Variants in PLIN3 observed in about 807,000 individuals in gnomAD.
PLIN3 encodes perilipin 3.
Under a neutral mutation model 35.9 loss-of-function variants are expected in PLIN3, and 30 were observed. That is an observed-to-expected ratio of 0.84 (90% confidence interval 0.62 to 1.13). The LOEUF is 1.13. Among genes scored for constraint, PLIN3 ranks in the 50% most tolerant of loss-of-function variants. The pLI, the probability that PLIN3 is intolerant of heterozygous loss-of-function variation, is 0.00. For synonymous variants in PLIN3, 261 were observed against 262.5 expected, an observed-to-expected ratio of 0.99 and a Z score of 0.06; for missense variants, 603 against 596.9, an observed-to-expected ratio of 1.01 and a Z score of -0.11.
At chr19:4,861,715 A>C (rs1202825115) in intron 1 of PLIN3, among the ~76,000 whole-genome samples, 1 of 151,646 alleles carries the variant, frequency 6.6e-6, no homozygotes, top group African/African-American at 2.4e-5. Context: ...GGCTCACTGC[A>C]ACCTCCGCCT....
In PLIN3 at chr19:4,839,303, G is replaced by C; in HGVS notation, c.1194C>G (p.Arg398=). 1 of 1,614,022 alleles carries C rather than the reference G, an allele frequency of 6.2e-7. No homozygotes were observed. Reference sequence around the variant, plus strand: ...ATTCCACCATGTGGTCCAGGGCCTCGCGGGCGCTGGCGACACGCTCACGGC... The same window carrying C: ...ATTCCACCATGTGGTCCAGGGCCTCCCGGGCGCTGGCGACACGCTCACGGC... ...AQSRERVASA[R]EALDHMVEYV... is the part of the protein sequence containing the mutation. Residue 398 remains arginine (R), a synonymous_variant, in exon 8 of 8, where the codon CGC becomes CGG. Coordinates refer to ENST00000221957, the MANE Select transcript of PLIN3 (RefSeq NM_005817.5).
At chr19:4,850,682 G>A (rs992980796) in intron 5 of PLIN3, among the ~76,000 whole-genome samples, 1 of 2,428 alleles carries the variant, frequency 4.1e-4, no homozygotes, top group African/African-American at 2.4e-3. Context: ...GATCCGCCCG[G>A]CCTTGGCCTC....
rs2030394138 is a variant in PLIN3 at position 4,854,090 on chromosome 19, AC to A, written c.349-1790del. ...TGAGACTACAGGTACGCACCACCAC[AC>A]CCGGCTTATTTTTTTATTTTTTGTA... On this transcript the variant is annotated intron_variant, in intron 4 of 7. Coordinates refer to ENST00000221957, the MANE Select transcript of PLIN3 (RefSeq NM_005817.5). 4.0e-5 allele frequency among the ~76,000 whole-genome samples: 6 copies of A among 151,446 alleles called. No individual in the cohort carries two copies. The South Asian group carries it at 1.3e-3, about 32-fold the overall frequency.
intron 7 of PLIN3, among the ~76,000 whole-genome samples, chr19:4,842,802 G>C (rs1198818198): frequency 6.6e-6 from 1 of 152,100 alleles, no homozygotes; most frequent in Non-Finnish European, 1.5e-5. Context: ...GTTTTAGGCA[G>C]CAGGTGGTCT....
chr19:4,861,247 T>C (rs2030664335), intron 2 of PLIN3, 82 bp downstream of exon 2: 1 of 1,261,360 alleles, frequency 7.9e-7, no homozygotes, highest in South Asian at 1.2e-5. Flanking sequence ...CCTGGCTCCC[T>C]GCCAGGGCAC....
At chr19:4,851,615 G>A (rs750491686) in intron 5 of PLIN3, among the ~76,000 whole-genome samples, 17 of 152,038 alleles carry the variant, frequency 1.1e-4, no homozygotes, top group Non-Finnish European at 1.9e-4. Flanking sequence ...GTTTAGTCAC[G>A]TATTTATGCA....
intron 4 of PLIN3, among the ~76,000 whole-genome samples, chr19:4,855,680 T>G (rs2030450643): frequency 6.6e-6 from 1 of 152,018 alleles, no homozygotes; most frequent in Non-Finnish European, 1.5e-5. Flanking sequence ...AGTGCTGGGA[T>G]TACAGGCGTG....
At chr19:4,841,310 C>T (rs984033971) in intron 7 of PLIN3, among the ~76,000 whole-genome samples, 1 of 152,160 alleles carries the variant, frequency 6.6e-6, no homozygotes, top group Non-Finnish European at 1.5e-5. Flanking sequence ...ACCCAGGCCA[C>T]AGCATGGGTG....
chr19:4,848,016 C>G (rs2030166823), intron 5 of PLIN3, 126 bp from the exon 6 acceptor site: 1 of 750,036 alleles, frequency 1.3e-6, no homozygotes, highest in African/African-American at 1.8e-5. Context: ...TGGAGTCTCG[C>G]TCTGTCGCCC....
intron 7 of PLIN3, among the ~76,000 whole-genome samples, chr19:4,842,687 C>T (rs962338558): frequency 1.4e-4 from 21 of 149,360 alleles, no homozygotes; most frequent in African/African-American, 4.0e-4. Flanking sequence ...TGGACTTGAG[C>T]GAGGGATTAC....
chr19:4,848,053 G>A (rs1163845849), intron 5 of PLIN3, among the ~76,000 whole-genome samples, 163 bp from the exon 6 acceptor site: 4 of 151,978 alleles, frequency 2.6e-5, no homozygotes, highest in African/African-American at 4.8e-5. Flanking sequence ...GTGTCATCTC[G>A]GCTCACTGCA....
rs1188330437 is a variant in PLIN3, at chr19:4,858,270, C to CAAAAAA, written c.348+1314_348+1319dup. 9.8e-5 allele frequency among the ~76,000 whole-genome samples: 5 copies of CAAAAAA among 51,240 alleles called. 1 individual carries two copies. The highest frequency in any genetic ancestry group is 1.3e-4 in the Non-Finnish European group (4 of 29,860). 33.6% of individuals were successfully genotyped at this position (51,240 alleles called of 152,430 possible). ...CTGGCAACAGAGCAAGACCCCGTCT[C>CAAAAAA]AAAAAAAAAAAAAAAAAAAAAAAAG... On this transcript the variant is annotated intron_variant, in intron 4 of 7. Coordinates refer to ENST00000221957, the MANE Select transcript of PLIN3 (RefSeq NM_005817.5).
At chr19:4,840,037 G>T (rs1350755471) in intron 7 of PLIN3, among the ~76,000 whole-genome samples, 2 of 114,100 alleles carry the variant, frequency 1.8e-5, no homozygotes, top group Non-Finnish European at 3.5e-5. Flanking sequence ...GCATGATTTT[G>T]GCTCACTGCA....
intron 2 of PLIN3, among the ~76,000 whole-genome samples, chr19:4,861,033 C>T (rs1568380933): frequency 1.3e-5 from 2 of 151,920 alleles, no homozygotes; most frequent in Admixed American, 6.6e-5. Context: ...AACTGGCCTC[C>T]TAGGACGTCC....
intron 6 of PLIN3, among the ~76,000 whole-genome samples, chr19:4,846,305 G>A (rs2146200465): frequency 7.0e-6 from 1 of 142,494 alleles, no homozygotes; most frequent in Non-Finnish European, 1.5e-5. Flanking sequence ...AACAGAGTGA[G>A]CCCCTGTCTC....
intron 6 of PLIN3, among the ~76,000 whole-genome samples, chr19:4,845,015 C>A (rs547257448): frequency 1.3e-5 from 2 of 152,160 alleles, no homozygotes; most frequent in Non-Finnish European, 2.9e-5. Context: ...AGAAGGGCTG[C>A]ACATCCCCTG....
intron 5 of PLIN3, among the ~76,000 whole-genome samples, chr19:4,850,587 ATTTT>A (rs71170860): frequency 4.0e-5 from 5 of 124,644 alleles, no homozygotes; most frequent in African/African-American, 9.5e-5. Context: ...CGCCCGGCTA[ATTTT>A]TTTTTTTTTT....
chr19:4,842,697 C>T (rs1245966787), intron 7 of PLIN3, among the ~76,000 whole-genome samples: 3 of 150,408 alleles, frequency 2.0e-5, no homozygotes, highest in Non-Finnish European at 2.9e-5. Context: ...CGAGGGATTA[C>T]GGGAGAGTGC....
chr19:4,841,936 A>AG (rs2029906289), intron 7 of PLIN3, among the ~76,000 whole-genome samples: 1 of 150,894 alleles, frequency 6.6e-6, no homozygotes, highest in Non-Finnish European at 1.5e-5. Flanking sequence ...AGAAAAAAAA[A>AG]AGCTGTTAAA....
Sources: gnomAD v4.1 joint callset for allele counts (sites outside exome capture counted in the v4.1 genomes callset) on GRCh38, gnomAD v4.1.1 for gene constraint, MANE v1.5 for transcripts, NCBI Gene and HGNC (gene_info 2026-07-23, HGNC 2026-07-21) for gene names.